Variants in ZBBX observed in about 807,000 individuals in gnomAD.
ZBBX encodes the protein zinc finger B-box domain-containing protein 1.
ZBBX carries 101 observed loss-of-function variants against 108.5 expected under a neutral mutation model. That is an observed-to-expected ratio of 0.93 (90% CI 0.79 to 1.10). The LOEUF is 1.10. Among genes scored for constraint, ZBBX ranks in the 50% least tolerant of loss-of-function variants. The probability of loss-of-function intolerance (pLI) is 0.00; values close to 1 mark genes in which losing one functional copy is unlikely to be tolerated. For missense variants in ZBBX, 1,009 were observed against 941.4 expected, an observed-to-expected ratio of 1.07 and a Z score of -0.94; for synonymous variants, 356 against 323.4, an observed-to-expected ratio of 1.10 and a Z score of -1.08.
chr3:167,215,350 C>G, the ZBBX span, among the ~76,000 whole-genome samples: 1 of 152,100 alleles, frequency 6.6e-6, no homozygotes, highest in Non-Finnish European at 1.5e-5. Flanking sequence ...ACTATGAACA[C>G]CTCTATGTAC....
chr3:167,182,523 T>A, the ZBBX span, among the ~76,000 whole-genome samples: 1 of 152,238 alleles, frequency 6.6e-6, no homozygotes, highest in African/African-American at 2.4e-5. Flanking sequence ...TAAGCTCTAA[T>A]GCACACTCCT....
At chr3:167,325,662 CTGCTTT>C (rs1737246632) in intron 11 of ZBBX, among the ~76,000 whole-genome samples, 1 of 152,122 alleles carries the variant, frequency 6.6e-6, no homozygotes, top group Non-Finnish European at 1.5e-5. Flanking sequence ...GAAGTTGCTA[CTGCTTT>C]TGCACATCAT....
At chr3:167,363,792 G>A (rs374014637) in intron 6 of ZBBX, among the ~76,000 whole-genome samples, 25 of 151,936 alleles carry the variant, frequency 1.6e-4, no homozygotes, top group South Asian at 4.1e-4. Flanking sequence ...GCTTCCCACC[G>A]TTTTCTTTTC....
chr3:167,230,453 G>A, the ZBBX span, among the ~76,000 whole-genome samples: 110,708 of 151,672 alleles, frequency 0.73, 40,685 homozygotes, highest in East Asian at 0.83. Context: ...ATTGTAAAAA[G>A]AAGATGCAAG....
At chr3:167,282,681 A>T (rs1729021222) in intron 19 of ZBBX, 186 bp from the exon 20 acceptor site, 2 of 541,830 alleles carry the variant, frequency 3.7e-6, no homozygotes, top group Non-Finnish European at 6.4e-6. Flanking sequence ...TTACTTTTCC[A>T]ATGTCATAAA....
intron 20 of ZBBX, among the ~76,000 whole-genome samples, chr3:167,275,904 G>A (rs1489604068): frequency 6.6e-6 from 1 of 152,156 alleles, no homozygotes; most frequent in African/African-American, 2.4e-5. Flanking sequence ...AGAGAGCAGT[G>A]GTTCTCCCAG....
chr3:167,371,530 G>A (rs1358225799), intron 4 of ZBBX, among the ~76,000 whole-genome samples: 2 of 152,124 alleles, frequency 1.3e-5, no homozygotes, highest in East Asian at 3.9e-4. Flanking sequence ...AGCTTTCGGA[G>A]TGCCAGGACT....
chr3:167,221,658 T>C, the ZBBX span, among the ~76,000 whole-genome samples: 5 of 151,558 alleles, frequency 3.3e-5, no homozygotes, highest in Admixed American at 6.6e-5. Flanking sequence ...AAAGGAAAAA[T>C]TGACAAATGG....
chr3:167,375,922 T>G (rs1442408191), intron 2 of ZBBX, among the ~76,000 whole-genome samples: 1 of 152,200 alleles, frequency 6.6e-6, no homozygotes, highest in Non-Finnish European at 1.5e-5. Context: ...AAACATGTAT[T>G]TAACTGTTCC....
chr3:167,228,412 G>A, the ZBBX span, among the ~76,000 whole-genome samples: 11 of 151,868 alleles, frequency 7.2e-5, no homozygotes, highest in Non-Finnish European at 1.3e-4. Context: ...TAAAATAGCA[G>A]TCTCAAGAAA....
At chr3:167,403,638 T>G (rs1023640442) in intron 1 of ZBBX, among the ~76,000 whole-genome samples, 1 of 152,034 alleles carries the variant, frequency 6.6e-6, no homozygotes, top group Non-Finnish European at 1.5e-5. Context: ...TTAAGAGCAT[T>G]AAAAAACATG....
At chr3:167,299,224 C>G (rs187492477) in intron 17 of ZBBX, among the ~76,000 whole-genome samples, 1 of 152,008 alleles carries the variant, frequency 6.6e-6, no homozygotes, top group Non-Finnish European at 1.5e-5. Context: ...CGTAATGAAT[C>G]TAACTAATGC....
intron 21 of ZBBX, among the ~76,000 whole-genome samples, chr3:167,241,658 T>C (rs1720699746): frequency 6.6e-6 from 1 of 152,126 alleles, no homozygotes; most frequent in Non-Finnish European, 1.5e-5. Context: ...TGAAGCAGGA[T>C]AGCCTGAGCC....
At chr3:167,343,439 C>T (rs1740902375) in intron 9 of ZBBX, among the ~76,000 whole-genome samples, 1 of 151,838 alleles carries the variant, frequency 6.6e-6, no homozygotes, top group Non-Finnish European at 1.5e-5. Context: ...TCTCCCTACC[C>T]CTTTCAATTG....
At chr3:167,308,955 A>T (rs1734124296) in intron 16 of ZBBX, among the ~76,000 whole-genome samples, 1 of 152,160 alleles carries the variant, frequency 6.6e-6, no homozygotes, top group African/African-American at 2.4e-5. Flanking sequence ...TTAAAAGTTA[A>T]AAAAAGGCAT....
intron 1 of ZBBX, among the ~76,000 whole-genome samples, chr3:167,385,561 A>T (rs1156928204): frequency 6.6e-6 from 1 of 151,988 alleles, no homozygotes; most frequent in African/African-American, 2.4e-5. Flanking sequence ...TAATTTTTTT[A>T]AACTTTTTGA....
At chr3:167,403,287 C>T (rs1161217166) in intron 1 of ZBBX, among the ~76,000 whole-genome samples, 2 of 152,066 alleles carry the variant, frequency 1.3e-5, no homozygotes, top group African/African-American at 4.8e-5. Flanking sequence ...AACTAAAAAA[C>T]GATTATCAAC....
intron 20 of ZBBX, among the ~76,000 whole-genome samples, chr3:167,258,128 G>C (rs1025776253): frequency 6.6e-6 from 1 of 151,994 alleles, no homozygotes; most frequent in South Asian, 2.1e-4. Flanking sequence ...TTTGATTATG[G>C]CTATAATCAT....
chr3:167,330,945 T>TCTCTCTCTCTCTCTCTCTCTCTCTC (rs1738465561), intron 10 of ZBBX, among the ~76,000 whole-genome samples: 6 of 87,214 alleles, frequency 6.9e-5, no homozygotes, highest in South Asian at 5.1e-4. Flanking sequence ...CTCTCTTTCT[T>TCTCTCTCTCTCTCTCTCTCTCTCTC]TCTCTCTCTC....
Sources: allele counts gnomAD v4.1 joint callset (sites outside exome capture counted in the v4.1 genomes callset), GRCh38; gene constraint gnomAD v4.1.1; transcripts MANE v1.5; gene names NCBI Gene and HGNC (gene_info 2026-07-23, HGNC 2026-07-21).